Variants in DOCK4 observed in about 807,000 individuals in gnomAD.
DOCK4 encodes dedicator of cytokinesis protein 4.
Under a neutral mutation model 268.1 loss-of-function variants are expected in DOCK4, and 97 were observed. That is an observed-to-expected ratio of 0.36 (90% CI 0.31 to 0.43). The LOEUF (loss-of-function observed/expected upper bound fraction) is 0.43, where lower values mean the gene tolerates loss of function less well. Among genes scored for constraint, DOCK4 ranks in the 20% least tolerant of loss-of-function variants. DOCK4 has a pLI of 1.00. For missense variants in DOCK4, 2,145 were observed against 2,455.7 expected (o/e 0.87, Z 2.67); for synonymous variants, 954 against 887.2 (o/e 1.08, Z -1.34).
intron 1 of DOCK4, among the ~76,000 whole-genome samples, chr7:112,166,833 C>T (rs1021327137): frequency 6.6e-6 from 1 of 151,452 alleles, no homozygotes; most frequent in East Asian, 1.9e-4. Context: ...GTTTTAAATT[C>T]TTCTTTTTTT....
chr7:111,747,983 A>G (rs1185833170), intron 42 of DOCK4, among the ~76,000 whole-genome samples: 1 of 152,210 alleles, frequency 6.6e-6, no homozygotes, highest in Non-Finnish European at 1.5e-5. Context: ...CACAGTTGGG[A>G]ATTATAGAAA....
intron 27 of DOCK4, among the ~76,000 whole-genome samples, chr7:111,813,198 T>G (rs1436263453): frequency 6.6e-6 from 1 of 152,214 alleles, no homozygotes; most frequent in South Asian, 2.1e-4. Context: ...GTGTGTGATA[T>G]GGTAAAGCCT....
chr7:112,013,499 T>C (rs908690426), intron 1 of DOCK4, among the ~76,000 whole-genome samples: 2 of 152,322 alleles, frequency 1.3e-5, no homozygotes, highest in African/African-American at 2.4e-5. Flanking sequence ...AGCTCCTGCA[T>C]AGTTTTCCAA....
chr7:111,739,033 C>A (rs1448606862), intron 49 of DOCK4, 101 bp downstream of exon 49: 5 of 937,536 alleles, frequency 5.3e-6, no homozygotes, highest in Admixed American at 2.0e-5. Flanking sequence ...TGACACTGCC[C>A]AGCTGCTTGC....
At chr7:111,911,760 C>T (rs1053970096) in intron 13 of DOCK4, among the ~76,000 whole-genome samples, 1 of 152,090 alleles carries the variant, frequency 6.6e-6, no homozygotes, top group Non-Finnish European at 1.5e-5. Context: ...TGCCCAGAGA[C>T]CAAGCTGAGG....
At position 112,142,827 on chromosome 7, in the gene DOCK4, T is replaced by C. The variant is rs367976120; in HGVS notation, c.37+63275A>G. Among the ~76,000 whole-genome samples, 224 of 152,224 alleles carry C rather than the reference T, an allele frequency of 1.5e-3. 1 individual carries two copies. The highest frequency in any genetic ancestry group is 5.2e-3 in the African/African-American group (214 of 41,548). On this transcript the variant is annotated intron_variant, in intron 1 of 52. Coordinates refer to ENST00000428084, the MANE Select transcript of DOCK4 (RefSeq NM_001363540.2). ...TTTAAACCTGAAGTAGGTGGAAACA[T>C]AAGGCATATACCCTTCTGCAACTTG...
intron 1 of DOCK4, among the ~76,000 whole-genome samples, chr7:112,008,924 C>T (rs1801074002): frequency 6.6e-6 from 1 of 152,142 alleles, no homozygotes; most frequent in East Asian, 1.9e-4. Flanking sequence ...ACCCGGGAGG[C>T]GGAGGTTGCA....
At chr7:111,734,584 A>C (rs1235779557) in intron 51 of DOCK4, among the ~76,000 whole-genome samples, 1 of 152,262 alleles carries the variant, frequency 6.6e-6, no homozygotes, top group Non-Finnish European at 1.5e-5. Context: ...TCAAAGCAAC[A>C]GATAACTATG....
chr7:111,834,325 C>T (rs570881415), intron 26 of DOCK4, among the ~76,000 whole-genome samples: 1 of 152,246 alleles, frequency 6.6e-6, no homozygotes, highest in East Asian at 1.9e-4. Flanking sequence ...TGTTATTCTG[C>T]TTCTAGTTTA....
chr7:111,995,489 T>G (rs1304652015), intron 4 of DOCK4, among the ~76,000 whole-genome samples: 1 of 148,966 alleles, frequency 6.7e-6, no homozygotes, highest in Non-Finnish European at 1.5e-5. Flanking sequence ...TAGTGGCTAT[T>G]ACTACCACTG....
chr7:111,973,681 T>C (rs1375039090), intron 8 of DOCK4, among the ~76,000 whole-genome samples: 1 of 152,076 alleles, frequency 6.6e-6, no homozygotes, highest in Non-Finnish European at 1.5e-5. Context: ...AGTTCCTTTT[T>C]TTTTTTTTAC....
At chr7:112,198,848 T>G (rs904427651) in intron 1 of DOCK4, among the ~76,000 whole-genome samples, 13 of 152,238 alleles carry the variant, frequency 8.5e-5, no homozygotes, top group African/African-American at 3.1e-4. Context: ...AATATATTTT[T>G]GAAATAGTGT....
chr7:111,790,390 A>G (rs2133802726), intron 31 of DOCK4, 67 bp downstream of exon 31: 1 of 1,563,204 alleles, frequency 6.4e-7, no homozygotes, highest in Non-Finnish European at 8.7e-7. Context: ...AGTTGAATCC[A>G]GAAGTTCACA....
At chr7:111,871,108 C>G (rs1554351181) in intron 20 of DOCK4, among the ~76,000 whole-genome samples, 1 of 152,134 alleles carries the variant, frequency 6.6e-6, no homozygotes, top group Non-Finnish European at 1.5e-5. Context: ...ACCTATTAAC[C>G]TTTATATATT....
intron 51 of DOCK4, among the ~76,000 whole-genome samples, chr7:111,733,070 C>T (rs560769230): frequency 1.3e-5 from 2 of 152,338 alleles, no homozygotes; most frequent in East Asian, 3.9e-4. Flanking sequence ...ACACAGTCAA[C>T]AGGGTGAGAG....
intron 1 of DOCK4, among the ~76,000 whole-genome samples, chr7:112,111,961 G>T (rs745538529): frequency 1.2e-4 from 18 of 152,186 alleles, no homozygotes; most frequent in Non-Finnish European, 2.4e-4. Context: ...GAGTGGAAGT[G>T]CCAGGATGCT....
At chr7:112,012,313 G>A (rs973479995) in intron 1 of DOCK4, among the ~76,000 whole-genome samples, 2 of 151,616 alleles carry the variant, frequency 1.3e-5, no homozygotes, top group Non-Finnish European at 2.9e-5. Context: ...AGGAAAAAAA[G>A]CTGATAATAC....
At position 111,808,828 on chromosome 7, in the gene DOCK4, T is replaced by C. The variant is rs1254379186; in HGVS notation, c.3159A>G (p.Gln1053=). ...TMGCEIFSMW[Q]NLGEHKLHFI... is the part of the protein sequence containing the mutation. ...TCTCTTTTCCTCACTTACCTAGGTT[T>C]TGCCACATGCTGAAAATTTCACAAC... The change falls in exon 30 of 53, where the codon CAA becomes CAG. Residue 1053 remains glutamine (Q), a synonymous_variant. Coordinates refer to ENST00000428084, the MANE Select transcript of DOCK4 (RefSeq NM_001363540.2). The C allele has an allele frequency of 2.5e-6, 4 of 1,612,638 alleles. No homozygotes were observed. Among genetic ancestry groups the C allele is most frequent in the Non-Finnish European group, 3.4e-6 (4 of 1,179,366 alleles).
chr7:112,099,600 A>T (rs147305593), intron 1 of DOCK4, among the ~76,000 whole-genome samples: 1 of 152,222 alleles, frequency 6.6e-6, no homozygotes, highest in Non-Finnish European at 1.5e-5. Context: ...GTATTCATTA[A>T]AATTGATAAG....
Sources: allele counts gnomAD v4.1 joint callset (sites outside exome capture counted in the v4.1 genomes callset), GRCh38; gene constraint gnomAD v4.1.1; transcripts MANE v1.5; gene names NCBI Gene and HGNC (gene_info 2026-07-23, HGNC 2026-07-21).